ARID4B: variants seen among roughly 807,000 people sequenced by gnomAD.
The protein encoded by ARID4B is AT-rich interaction domain 4B, also known as AT-rich interactive domain-containing protein 4B.
In ARID4B, 26 loss-of-function variants were observed where a neutral mutation model predicts 147.5. The ratio of observed to expected loss-of-function variants is 0.18; its 90% CI spans 0.13 to 0.24. The LOEUF (loss-of-function observed/expected upper bound fraction) is 0.24. Among genes scored for constraint, ARID4B ranks in the 10% least tolerant of loss-of-function variants. The probability of loss-of-function intolerance (pLI) is 1.00; values close to 1 mark genes in which losing one functional copy is unlikely to be tolerated. For synonymous variants in ARID4B, 512 were observed against 507.9 expected (o/e 1.01, Z -0.11); for missense variants, 1,179 against 1,511.5 (o/e 0.78, Z 3.65).
chr1:235,303,961 CAT>C (rs1440880213), intron 2 of ARID4B, among the ~76,000 whole-genome samples: 1 of 152,106 alleles, frequency 6.6e-6, no homozygotes, highest in African/African-American at 2.4e-5. Context: ...ATAAACCAAA[CAT>C]GAGTATTTTA....
At chr1:235,318,542 A>G (rs1458854822) in intron 2 of ARID4B, among the ~76,000 whole-genome samples, 2 of 152,158 alleles carry the variant, frequency 1.3e-5, no homozygotes, top group African/African-American at 4.8e-5. Context: ...TATGTATTAC[A>G]GGATTCCGTT....
rs35784051 is a variant in ARID4B, at chr1:235,185,975, C to CTT, written c.2126-3184_2126-3183dup. On this transcript the variant is annotated intron_variant, in intron 19 of 23. Transcript: ENST00000264183. ...TCTGGAATTTTTCTTTAGTTATTTGCTTTTTTTTTTTTTGAGACTGAGTCT... is the reference window on the plus strand; with the variant it reads ...TCTGGAATTTTTCTTTAGTTATTTGCTTTTTTTTTTTTTTTGAGACTGAGTCT... Among the ~76,000 whole-genome samples the CTT allele has an allele frequency of 7.8e-3, 1,120 of 143,442 alleles. 10 individuals carry two copies. The highest frequency in any genetic ancestry group is 0.012 in the Non-Finnish European group (798 of 65,774). 94.1% of individuals were successfully genotyped at this position (143,442 alleles called of 152,430 possible).
intron 23 of ARID4B, 51 bp from the exon 24 acceptor site, chr1:235,168,703 C>T (rs1258229004): frequency 6.4e-7 from 1 of 1,570,718 alleles, no homozygotes; most frequent in Non-Finnish European, 8.7e-7. Flanking sequence ...TTATGTCTAA[C>T]AATAGACAGA....
chr1:235,279,425 A>G (rs1671528962), intron 2 of ARID4B, among the ~76,000 whole-genome samples: 1 of 152,220 alleles, frequency 6.6e-6, no homozygotes, highest in African/African-American at 2.4e-5. Flanking sequence ...GTGATAATGA[A>G]AACAATGTAA....
rs562833382 is a variant in ARID4B at position 235,187,491 on chromosome 1, A to G, written c.2126-4698T>C. Among the ~76,000 whole-genome samples the G allele has an allele frequency of 2.0e-5, 3 of 152,342 alleles. No homozygotes were observed. In the East Asian group the frequency reaches 5.8e-4, roughly 29 times the overall value. Reference sequence around the variant, plus strand: ...TACTGTTAGTAGGATTTATTAACTGATAGGCTTTACGTGATTCATCCCGGA... The same window carrying G: ...TACTGTTAGTAGGATTTATTAACTGGTAGGCTTTACGTGATTCATCCCGGA... On this transcript the variant is annotated intron_variant, in intron 19 of 23. Coordinates refer to ENST00000264183, the MANE Select transcript of ARID4B (RefSeq NM_016374.6).
chr1:235,184,827 TTGTG>T (rs1558179331), intron 19 of ARID4B, among the ~76,000 whole-genome samples: 1 of 152,176 alleles, frequency 6.6e-6, no homozygotes, highest in East Asian at 1.9e-4. Flanking sequence ...ATTTATTTTT[TTGTG>T]TGTGTGACGG....
chr1:235,241,224 A>T (rs938324971), intron 7 of ARID4B, among the ~76,000 whole-genome samples: 3 of 152,236 alleles, frequency 2.0e-5, no homozygotes, highest in Non-Finnish European at 4.4e-5. Context: ...GCCCAGAATG[A>T]GTAAAGACTA....
intron 16 of ARID4B, among the ~76,000 whole-genome samples, chr1:235,214,836 C>T (rs931425197): frequency 2.4e-4 from 12 of 49,684 alleles, no homozygotes; most frequent in African/African-American, 7.5e-4. Flanking sequence ...AGTATTACAT[C>T]CTTTTTTTTT....
intron 2 of ARID4B, among the ~76,000 whole-genome samples, chr1:235,267,356 A>C (rs1240787305): frequency 6.6e-6 from 1 of 152,234 alleles, no homozygotes; most frequent in Non-Finnish European, 1.5e-5. Context: ...AAATCTATGA[A>C]AACAGCCTAT....
chr1:235,283,838 G>A (rs1001601128), intron 2 of ARID4B, among the ~76,000 whole-genome samples: 11 of 152,006 alleles, frequency 7.2e-5, no homozygotes, highest in African/African-American at 2.2e-4. Flanking sequence ...CAGTTCAAGC[G>A]ATTCTCATGC....
intron 2 of ARID4B, among the ~76,000 whole-genome samples, chr1:235,312,243 GC>G (rs1272938241): frequency 1.3e-5 from 2 of 152,080 alleles, no homozygotes; most frequent in Non-Finnish European, 2.9e-5. Context: ...CCAAGATCGT[GC>G]CACCACACTC....
chr1:235,323,376 T>C (rs1674984424), intron 2 of ARID4B, among the ~76,000 whole-genome samples: 1 of 152,074 alleles, frequency 6.6e-6, no homozygotes, highest in African/African-American at 2.4e-5. Flanking sequence ...CCTCTAAAGA[T>C]TCTGGTATAT....
At chr1:235,309,990 AAG>A (rs1558303878) in intron 2 of ARID4B, among the ~76,000 whole-genome samples, 1 of 152,016 alleles carries the variant, frequency 6.6e-6, no homozygotes, top group African/African-American at 2.4e-5. Flanking sequence ...CATGCTCCTT[AAG>A]AGTCATCACC....
rs980077699 is a variant in ARID4B, at chr1:235,220,411, T to C, written c.1298A>G (p.Glu433Gly). Residue 433 changes from glutamate to glycine, a missense_variant, in exon 15 of 24, where the codon GAA (glutamate) becomes GGA (glycine). By Grantham distance (98) the Glu-to-Gly change is moderately conservative (BLOSUM62 -2). Around this residue, in one of 10 missense-constraint regions of ARID4B, gnomAD observed 204 missense variants for 210.9 expected, o/e 0.97. Transcript: ENST00000264183. ...CATCTTTATTTCTTTGATCTCTGTT[T>C]CATTTTCCTCCTTAACTTTTATTTC... ...VKEIKVKEEN[E>G]TEIKEIKMEE... 1.2e-6 allele frequency: 2 copies of C among 1,612,560 alleles called. No individual in the cohort carries two copies. Among genetic ancestry groups the C allele is most frequent in the Non-Finnish European group, 1.7e-6 (2 of 1,178,810 alleles).
intron 8 of ARID4B, among the ~76,000 whole-genome samples, chr1:235,238,589 C>A (rs1032309275): frequency 6.6e-6 from 1 of 152,152 alleles, no homozygotes; most frequent in African/African-American, 2.4e-5. Context: ...GGCTCAGTAG[C>A]CCCCACCTGT....
chr1:235,220,920 G>A (rs961441044), intron 14 of ARID4B, among the ~76,000 whole-genome samples: 1 of 150,946 alleles, frequency 6.6e-6, no homozygotes, highest in African/African-American at 2.4e-5. Context: ...GTTTTTTTGA[G>A]ACAGCCTTAC....
At chr1:235,170,765 T>C (rs1187618571) in intron 23 of ARID4B, among the ~76,000 whole-genome samples, 1 of 151,290 alleles carries the variant, frequency 6.6e-6, no homozygotes, top group African/African-American at 2.4e-5. Context: ...TTACAAAAAT[T>C]AGCTGGGCAT....
intron 2 of ARID4B, among the ~76,000 whole-genome samples, chr1:235,312,932 C>G (rs1392529983): frequency 6.6e-6 from 1 of 152,090 alleles, no homozygotes; most frequent in Non-Finnish European, 1.5e-5. Flanking sequence ...AAGATTGCAC[C>G]ACTGCACTCC....
At chr1:235,176,538 T>C (rs928366758) in intron 21 of ARID4B, among the ~76,000 whole-genome samples, 1 of 147,412 alleles carries the variant, frequency 6.8e-6, no homozygotes, top group African/African-American at 2.5e-5. Flanking sequence ...CCTCCCACTG[T>C]GAAATTTTGG....
Sources: gnomAD v4.1 joint callset for allele counts (sites outside exome capture counted in the v4.1 genomes callset) on GRCh38, gnomAD v4.1.1 for gene constraint, gnomAD v4.1.1 regional missense constraint, MANE v1.5 for transcripts, NCBI Gene and HGNC (gene_info 2026-07-23, HGNC 2026-07-21) for gene names.